Variants in EDDM3A observed in about 807,000 individuals in gnomAD.
The protein encoded by EDDM3A is epididymal protein 3A, also known as epididymal secretory protein E3-alpha.
For missense variants in EDDM3A, 199 were observed against 177.4 expected, an observed-to-expected ratio of 1.12 and a Z score of -0.69; for synonymous variants, 75 against 60.4, an observed-to-expected ratio of 1.24 and a Z score of -1.12.
At chr14:20,747,526 G>T (rs986969345) in intron 1 of EDDM3A, 29 bp from the exon 2 acceptor site, 6 of 1,390,306 alleles carry the variant, frequency 4.3e-6, no homozygotes, top group Non-Finnish European at 5.9e-6. Context: ...GTATAGTCTG[G>T]TTAATGCTTT....
At chr14:20,746,694 G>T (rs1427238972) in intron 1 of EDDM3A, among the ~76,000 whole-genome samples, 1 of 152,198 alleles carries the variant, frequency 6.6e-6, no homozygotes, top group Non-Finnish European at 1.5e-5. Context: ...ATGATCACAT[G>T]TTTCACCCAG....
chr14:20,747,297 T>G (rs1441353370), intron 1 of EDDM3A, among the ~76,000 whole-genome samples: 2 of 152,126 alleles, frequency 1.3e-5, no homozygotes, highest in African/African-American at 2.4e-5. Context: ...GGTTTCACCA[T>G]GTTGGCCACG....
the EDDM3A span, among the ~76,000 whole-genome samples, chr14:20,740,877 G>T: frequency 7.1e-6 from 1 of 140,638 alleles, no homozygotes; most frequent in Non-Finnish European, 1.5e-5. Context: ...ACCTAATTTG[G>T]CCAGGGAACC....
chr14:20,740,220 T>C, the EDDM3A span, among the ~76,000 whole-genome samples: 15 of 152,224 alleles, frequency 9.9e-5, no homozygotes. Flanking sequence ...TCTCAGTATG[T>C]TGACTTGCTG....
the EDDM3A span, among the ~76,000 whole-genome samples, chr14:20,736,708 T>G: frequency 6.6e-6 from 1 of 152,120 alleles, no homozygotes; most frequent in African/African-American, 2.4e-5. Context: ...TTTCTTTTAT[T>G]TTTTATTTAT....
At chr14:20,736,437 A>G in the EDDM3A span, among the ~76,000 whole-genome samples, 1 of 152,120 alleles carries the variant, frequency 6.6e-6, no homozygotes, top group Admixed American at 6.5e-5. Context: ...GTTCAAAATA[A>G]TATAGAGTTC....
At chr14:20,744,784 C>A (rs965753700), upstream of EDDM3A, among the ~76,000 whole-genome samples, 1 of 151,918 alleles carries the variant, frequency 6.6e-6, no homozygotes, top group Non-Finnish European at 1.5e-5. Context: ...TACAGTGTCA[C>A]CAAACAGCTA....
chr14:20,748,203 T>C lies in EDDM3A; in HGVS notation c.*179T>C, dbSNP rs1161207747. The C allele has an allele frequency of 4.2e-5, 23 of 552,360 alleles. No individual in the cohort carries two copies. Among genetic ancestry groups the C allele is most frequent in the Non-Finnish European group, 7.0e-5 (22 of 313,206 alleles). The allele number at this position is 552,360 out of a possible 1,614,324, so 34.2% of individuals were successfully genotyped here. A position where few individuals can be genotyped will look rare whatever the true frequency, so the allele number is the denominator to read the frequency against. On this transcript the variant is annotated 3_prime_UTR_variant, in exon 2 of 2. Transcript: ENST00000326842. Reference sequence around the variant, plus strand: ...ATACCAAATCTTTGTGTGGTTTCTGTATCTGTAATACAATTTTGTCCTAAT... The same window carrying C: ...ATACCAAATCTTTGTGTGGTTTCTGCATCTGTAATACAATTTTGTCCTAAT...
the EDDM3A span, among the ~76,000 whole-genome samples, chr14:20,737,252 C>T: frequency 1.3e-5 from 2 of 151,742 alleles, no homozygotes; most frequent in East Asian, 1.9e-4. Context: ...GATGGGGTTT[C>T]GCCATGTTGG....
the EDDM3A span, among the ~76,000 whole-genome samples, chr14:20,737,286 C>T: frequency 1.3e-5 from 2 of 152,122 alleles, no homozygotes; most frequent in South Asian, 2.1e-4. Flanking sequence ...AAACTCCTGA[C>T]CTCAAGTGAT....
Position 20,748,286 on chromosome 14 carries a change from G to A in EDDM3A, c.*262G>A, listed in dbSNP as rs367882105. ...TTCAGCTCATATGGCATCTGTCCTC[G>A]ACTAACCTAAGACTTTCCTGATATT... On this transcript the variant is annotated 3_prime_UTR_variant, in exon 2 of 2. Transcript: ENST00000326842. The A allele has an allele frequency of 4.3e-4, 161 of 371,456 alleles. No homozygotes were observed. In the East Asian group the frequency reaches 5.8e-3, roughly 13 times the overall value. The allele number at this position is 371,456 out of a possible 1,614,324, so 23.0% of individuals were successfully genotyped here.
At chr14:20,744,429 G>A (rs1877523293), upstream of EDDM3A, among the ~76,000 whole-genome samples, 1 of 152,238 alleles carries the variant, frequency 6.6e-6, no homozygotes, top group African/African-American at 2.4e-5. Context: ...CTTTGGAAGT[G>A]TTGTTAGAAA....
At chr14:20,740,397 C>T in the EDDM3A span, among the ~76,000 whole-genome samples, 2 of 152,360 alleles carry the variant, frequency 1.3e-5, no homozygotes, top group Non-Finnish European at 2.9e-5. Flanking sequence ...CAACTTTCAG[C>T]TCAGGCTCAC....
At chr14:20,739,571 A>C in the EDDM3A span, among the ~76,000 whole-genome samples, 35 of 152,290 alleles carry the variant, frequency 2.3e-4, no homozygotes, top group African/African-American at 7.9e-4. Flanking sequence ...TATGCCCCAG[A>C]TACAAAGTCC....
At chr14:20,736,812 G>C in the EDDM3A span, among the ~76,000 whole-genome samples, 1 of 152,122 alleles carries the variant, frequency 6.6e-6, no homozygotes, top group Admixed American at 6.5e-5. Flanking sequence ...CTGGGTTCAA[G>C]TGATTCTCCT....
chr14:20,742,018 T>C (rs1022188735), upstream of EDDM3A, among the ~76,000 whole-genome samples: 1 of 152,246 alleles, frequency 6.6e-6, no homozygotes, highest in Admixed American at 6.5e-5. Context: ...TATGCCTGAA[T>C]ACCTTATCGA....
the EDDM3A span, among the ~76,000 whole-genome samples, chr14:20,740,084 C>T: frequency 9.9e-5 from 15 of 152,186 alleles, no homozygotes; most frequent in Non-Finnish European, 1.5e-4. Context: ...ACACTTCAGC[C>T]GCTGTCCAGA....
At position 20,748,297 on chromosome 14, in the gene EDDM3A, G is replaced by C. The variant is rs1291101443; in HGVS notation, c.*273G>C. 4 of 320,498 alleles carry C rather than the reference G, an allele frequency of 1.2e-5. No individual in the cohort carries two copies. Among genetic ancestry groups the C allele is most frequent in the Non-Finnish European group, 1.8e-5 (3 of 166,066 alleles). 19.9% of individuals were successfully genotyped at this position (320,498 alleles called of 1,614,324 possible). A position where few individuals can be genotyped will look rare whatever the true frequency, so the allele number is the denominator to read the frequency against. ...TGGCATCTGTCCTCGACTAACCTAA[G>C]ACTTTCCTGATATTGACTCTCTTTA... On this transcript the variant is annotated 3_prime_UTR_variant, in exon 2 of 2. Coordinates refer to ENST00000326842, the MANE Select transcript of EDDM3A (RefSeq NM_006683.5).
At chr14:20,741,808 A>G (rs1877442206), upstream of EDDM3A, among the ~76,000 whole-genome samples, 1 of 152,182 alleles carries the variant, frequency 6.6e-6, no homozygotes, top group Non-Finnish European at 1.5e-5. Context: ...GCCCTGGGTC[A>G]TTATGATGCT....
Sources: gnomAD v4.1 joint callset for allele counts (sites outside exome capture counted in the v4.1 genomes callset) on GRCh38, gnomAD v4.1.1 for gene constraint, MANE v1.5 for transcripts, NCBI Gene and HGNC (gene_info 2026-07-23, HGNC 2026-07-21) for gene names.